Variants in PTPRQ observed in about 807,000 individuals in gnomAD.
PTPRQ encodes protein tyrosine phosphatase receptor type Q.
Under a neutral mutation model 246.0 loss-of-function variants are expected in PTPRQ, and 199 were observed. The observed-to-expected ratio is 0.81, with a 90% confidence interval of 0.72 to 0.91. The LOEUF (loss-of-function observed/expected upper bound fraction) is 0.91, where lower values mean the gene tolerates loss of function less well. Ranked by LOEUF, PTPRQ falls within the 40% of genes least tolerant of loss-of-function variation. PTPRQ has a pLI of 0.00. For synonymous variants in PTPRQ, 869 were observed against 853.2 expected (o/e 1.02, Z -0.32); for missense variants, 2,624 against 2,528.4 (o/e 1.04, Z -0.81).
At position 80,652,720 on chromosome 12, in the gene PTPRQ, CTTTG is replaced by C; in HGVS notation, c.6025-22_6025-19del. 1 of 1,483,292 alleles carries C rather than the reference CTTTG, an allele frequency of 6.7e-7. No individual in the cohort carries two copies. The highest frequency in any genetic ancestry group is 8.9e-7 in the Non-Finnish European group (1 of 1,120,842). The allele number at this position is 1,483,292 out of a possible 1,614,324, so 91.9% of individuals were successfully genotyped here. A position where few individuals can be genotyped will look rare whatever the true frequency, so the allele number is the denominator to read the frequency against. On this transcript the variant is annotated intron_variant, in intron 37 of 44. Coordinates refer to ENST00000644991, the MANE Select transcript of PTPRQ (RefSeq NM_001145026.2). ...CTTGTTTACCTCTGATAAATGTAAACTTTGTAATGACTTTATTTTACAGGAATTA... is the reference window on the plus strand; with the variant it reads ...CTTGTTTACCTCTGATAAATGTAAACTAATGACTTTATTTTACAGGAATTA...
chr12:80,535,145 C>A, intron 19 of PTPRQ, 108 bp downstream of exon 19: 2 of 1,100,344 alleles, frequency 1.8e-6, no homozygotes, highest in Non-Finnish European at 2.5e-6. Flanking sequence ...GATAATTAGG[C>A]ACAGATGTAT....
At position 80,535,022 on chromosome 12, in the gene PTPRQ, AG is replaced by A; in HGVS notation, c.2972del (p.Gly991ValfsTer12). On this transcript the variant is annotated frameshift_variant, in exon 19 of 45. Coordinates refer to ENST00000644991, the MANE Select transcript of PTPRQ (RefSeq NM_001145026.2). LOFTEE classifies it high-confidence loss of function. ...YYSVYYRNTSGTFMQNFTLHE... is the reference protein window; with the variant it reads ...YYSVYYRNTSXTFMQNFTLHE... ...ACTCTGTTTATTACAGAAATACTTC[AG>A]GTACTTTTATGCAGGTAAGAACTGA... The A allele has an allele frequency of 2.0e-6, 3 of 1,530,570 alleles. No homozygotes were observed. Among genetic ancestry groups the A allele is most frequent in the Non-Finnish European group, 1.8e-6 (2 of 1,140,664 alleles). 94.8% of individuals were successfully genotyped at this position (1,530,570 alleles called of 1,614,324 possible). A position where few individuals can be genotyped will look rare whatever the true frequency, so the allele number is the denominator to read the frequency against.
chr12:80,544,492 T>C (rs1019798215), intron 23 of PTPRQ, among the ~76,000 whole-genome samples: 4 of 152,182 alleles, frequency 2.6e-5, no homozygotes, highest in Admixed American at 2.6e-4. Context: ...ACCATCTTTA[T>C]ACCATTAAGT....
intron 9 of PTPRQ, among the ~76,000 whole-genome samples, chr12:80,487,407 G>A (rs1894313678): frequency 6.6e-6 from 1 of 152,086 alleles, no homozygotes; most frequent in Admixed American, 6.6e-5. Flanking sequence ...AAGGCCTAAA[G>A]AGCGGCTGAC....
chr12:80,581,423 C>T (rs1897431767), intron 25 of PTPRQ, among the ~76,000 whole-genome samples: 1 of 152,124 alleles, frequency 6.6e-6, no homozygotes, highest in Admixed American at 6.5e-5. Flanking sequence ...ATCAGTTGAG[C>T]CCAGGAGTTC....
intron 26 of PTPRQ, among the ~76,000 whole-genome samples, chr12:80,600,648 C>G (rs1227189922): frequency 6.6e-6 from 1 of 151,758 alleles, no homozygotes; most frequent in African/African-American, 2.4e-5. Flanking sequence ...GTCCCAACAG[C>G]ATCGAGTAGT....
chr12:80,501,643 G>A (rs981459120), intron 14 of PTPRQ, among the ~76,000 whole-genome samples: 21 of 151,918 alleles, frequency 1.4e-4, no homozygotes, highest in Admixed American at 2.6e-4. Flanking sequence ...CAGCTATGTC[G>A]TGGGCAATAC....
intron 28 of PTPRQ, among the ~76,000 whole-genome samples, chr12:80,613,195 A>T (rs927755872): frequency 1.3e-5 from 2 of 150,572 alleles, no homozygotes; most frequent in African/African-American, 2.4e-5. Context: ...GTTACATAAG[A>T]TATTACCAAT....
chr12:80,482,390 A>G (rs1451922838), intron 8 of PTPRQ, among the ~76,000 whole-genome samples: 1 of 152,160 alleles, frequency 6.6e-6, no homozygotes, highest in Non-Finnish European at 1.5e-5. Context: ...TGGATTAAAG[A>G]CTTAAATGTC....
intron 8 of PTPRQ, among the ~76,000 whole-genome samples, chr12:80,481,721 T>A (rs970082383): frequency 6.6e-6 from 1 of 152,026 alleles, no homozygotes; most frequent in Non-Finnish European, 1.5e-5. Context: ...AGCATTCTTA[T>A]ACACCAACAA....
At chr12:80,657,742 G>A (rs1196541486) in intron 38 of PTPRQ, among the ~76,000 whole-genome samples, 1 of 151,662 alleles carries the variant, frequency 6.6e-6, no homozygotes, top group Non-Finnish European at 1.5e-5. Flanking sequence ...TCCATTTGTA[G>A]CTAAAGAAAA....
At chr12:80,487,885 A>G (rs1446411100) in intron 9 of PTPRQ, among the ~76,000 whole-genome samples, 1 of 152,080 alleles carries the variant, frequency 6.6e-6, no homozygotes, top group African/African-American at 2.4e-5. Context: ...ATGTCTAGGT[A>G]CAGCTTAGAT....
At chr12:80,546,084 G>A (rs758920590) in intron 23 of PTPRQ, among the ~76,000 whole-genome samples, 6 of 152,210 alleles carry the variant, frequency 3.9e-5, no homozygotes, top group South Asian at 4.1e-4. Flanking sequence ...TTGGGAGGCC[G>A]AGGTGGGCAG....
At chr12:80,672,083 T>C (rs1439292702) in intron 42 of PTPRQ, among the ~76,000 whole-genome samples, 1 of 152,026 alleles carries the variant, frequency 6.6e-6, no homozygotes, top group Non-Finnish European at 1.5e-5. Flanking sequence ...CTGCTGACCC[T>C]ATCCTACCCT....
Position 80,670,474 on chromosome 12 carries a change from C to A in PTPRQ, c.6584C>A (p.Pro2195His). 1 of 1,549,460 alleles carries A rather than the reference C, an allele frequency of 6.5e-7. No homozygotes were observed. Among genetic ancestry groups the A allele is most frequent in the Non-Finnish European group, 8.7e-7 (1 of 1,145,812 alleles). Reference protein sequence around the residue: ...VRASRAHDTTPMIVHCSAGVG... With the variant: ...VRASRAHDTTHMIVHCSAGVG... ...GCAAGCAGGGCACATGACACCACAC[C>A]TATGATTGTTCACTGCAGGTGAGAA... Residue 2195 changes from proline (P) to histidine (H), a missense_variant, in exon 42 of 45, where the codon CCT (proline) becomes CAT (histidine). Coordinates refer to ENST00000644991, the MANE Select transcript of PTPRQ (RefSeq NM_001145026.2).
intron 26 of PTPRQ, among the ~76,000 whole-genome samples, chr12:80,596,810 A>G (rs1012563118): frequency 6.6e-6 from 1 of 152,038 alleles, no homozygotes; most frequent in Non-Finnish European, 1.5e-5. Context: ...TCCTGGGATT[A>G]CTATGTATGG....
chr12:80,595,960 A>G (rs1240369047), intron 26 of PTPRQ, among the ~76,000 whole-genome samples: 4 of 152,132 alleles, frequency 2.6e-5, no homozygotes, highest in African/African-American at 9.7e-5. Flanking sequence ...AAAGGAAATA[A>G]TTATTGCATT....
At position 80,588,135 on chromosome 12, in the gene PTPRQ, G is replaced by T; in HGVS notation, c.4292G>T (p.Ser1431Ile). The T allele has an allele frequency of 6.6e-7, 1 of 1,521,594 alleles. No homozygotes were observed. Among genetic ancestry groups the T allele is most frequent in the Non-Finnish European group, 8.8e-7 (1 of 1,132,276 alleles). 94.3% of individuals were successfully genotyped at this position (1,521,594 alleles called of 1,614,324 possible). ...TTTTCCCTTTAATTTTTAGTTCCCA[G>T]TGTTCCCACAAATATTGCTTTTTCT... is the stretch of plus-strand genomic sequence containing the variant. ...HVSTLPETVP[S>I]VPTNIAFSDV... The change falls in exon 26 of 45, where the codon AGT becomes ATT. Residue 1431 changes from serine (S) to isoleucine (I), a missense_variant. By Grantham distance (142) the Ser-to-Ile change is moderately radical (BLOSUM62 -2). Coordinates refer to ENST00000644991, the MANE Select transcript of PTPRQ (RefSeq NM_001145026.2).
rs944159535 is a variant in PTPRQ, at chr12:80,468,838, G to C, written c.1039G>C (p.Gly347Arg). ...TAGAGTTGAATTATATGGACCATCA[G>C]GTAAGCCTTAATTGGTTTTGTGTTT... is the stretch of plus-strand genomic sequence containing the variant. ...SYRVELYGPS[G>R]RILDNSTKDL... The change falls in exon 7 of 45, where the codon GGT (glycine) becomes CGT (arginine). Residue 347 changes from glycine (G) to arginine (R), a missense_variant and splice_region_variant. Coordinates refer to ENST00000644991, the MANE Select transcript of PTPRQ (RefSeq NM_001145026.2). The C allele has an allele frequency of 3.6e-5, 55 of 1,546,480 alleles. No individual in the cohort carries two copies. Among genetic ancestry groups the C allele is most frequent in the Non-Finnish European group, 4.6e-5 (53 of 1,145,080 alleles).
Sources: gnomAD v4.1 joint callset for allele counts (sites outside exome capture counted in the v4.1 genomes callset) on GRCh38, gnomAD v4.1.1 for gene constraint, MANE v1.5 for transcripts, NCBI Gene and HGNC (gene_info 2026-07-23, HGNC 2026-07-21) for gene names.